Variants in LRFN2 observed in about 807,000 individuals in gnomAD.
LRFN2 encodes the protein leucine rich repeat and fibronectin type III domain containing 2.
A neutral mutation model predicts 37.3 loss-of-function variants in LRFN2; 18 were observed. The observed-to-expected ratio is 0.48, with a 90% CI of 0.33 to 0.72. LRFN2 has a LOEUF of 0.72. Among genes scored for constraint, LRFN2 ranks in the 30% least tolerant of loss-of-function variants. The probability of loss-of-function intolerance (pLI) is 0.02; values close to 1 mark genes in which losing one functional copy is unlikely to be tolerated. For synonymous variants in LRFN2, 556 were observed against 466.6 expected (o/e 1.19, Z -2.47); for missense variants, 1,006 against 1,060.7 (o/e 0.95, Z 0.72).
At chr6:40,494,213 C>T (rs1225894146) in intron 1 of LRFN2, among the ~76,000 whole-genome samples, 1 of 152,200 alleles carries the variant, frequency 6.6e-6, no homozygotes, top group Non-Finnish European at 1.5e-5. Flanking sequence ...AACAGGGTCA[C>T]CTGGGATAAG....
chr6:40,532,498 T>C (rs1010428947), intron 1 of LRFN2, among the ~76,000 whole-genome samples: 2 of 152,204 alleles, frequency 1.3e-5, no homozygotes, highest in Non-Finnish European at 2.9e-5. Flanking sequence ...AGAAGTTAAG[T>C]CACCAACCCA....
intron 1 of LRFN2, among the ~76,000 whole-genome samples, chr6:40,561,560 A>T (rs1375359940): frequency 6.6e-6 from 1 of 152,152 alleles, no homozygotes; most frequent in African/African-American, 2.4e-5. Flanking sequence ...GCTGCTGTGG[A>T]TCTTGTCAGT....
chr6:40,492,208 T>A (rs1765109777), intron 1 of LRFN2, among the ~76,000 whole-genome samples: 1 of 152,210 alleles, frequency 6.6e-6, no homozygotes, highest in Non-Finnish European at 1.5e-5. Flanking sequence ...GTGATGGGAC[T>A]AGTTGGGCAG....
In LRFN2 at chr6:40,509,852, G is replaced by A. The variant is rs371653147; in HGVS notation, c.-18-76721C>T. Among the ~76,000 whole-genome samples the A allele has an allele frequency of 1.5e-3, 230 of 151,526 alleles. 2 individuals are homozygous for A. The highest frequency in any genetic ancestry group is 5.2e-3 in the African/African-American group (215 of 41,248). ...GCGCAGGTAGGAGAGCTGAGTGCAC[G>A]CATGTGAGTATGCCAGGGAACACTG... is the stretch of plus-strand genomic sequence containing the variant. On this transcript the variant is annotated intron_variant, in intron 1 of 2. Coordinates refer to ENST00000338305, the MANE Select transcript of LRFN2 (RefSeq NM_020737.3).
chr6:40,400,326 T>C lies in LRFN2; in HGVS notation c.1401-7414A>G, dbSNP rs189817251. ...TGCAAAATGTTAGGGCCTAAACATA[T>C]GTGAGGGATTCTTATCTAATATTCA... On this transcript the variant is annotated intron_variant, in intron 2 of 2. Transcript: ENST00000338305. Among the ~76,000 whole-genome samples the C allele has an allele frequency of 1.3e-3, 197 of 151,916 alleles. 8 individuals carry two copies. The highest frequency in any genetic ancestry group is 1.5e-3 in the East Asian group (8 of 5,190).
chr6:40,510,084 C>T (rs577745618), intron 1 of LRFN2, among the ~76,000 whole-genome samples: 12 of 147,522 alleles, frequency 8.1e-5, no homozygotes, highest in African/African-American at 2.0e-4. Context: ...GGGTATGCCA[C>T]GGAACACTGG....
chr6:40,492,693 C>T (rs956892639), intron 1 of LRFN2, among the ~76,000 whole-genome samples: 19 of 152,104 alleles, frequency 1.2e-4, no homozygotes, highest in African/African-American at 4.6e-4. Context: ...GCATGGCAGC[C>T]AGGGGCACCT....
At chr6:40,521,962 G>A (rs1766083513) in intron 1 of LRFN2, among the ~76,000 whole-genome samples, 1 of 152,198 alleles carries the variant, frequency 6.6e-6, no homozygotes, top group Non-Finnish European at 1.5e-5. Flanking sequence ...TGGTGGAATG[G>A]GCTGGCTGAA....
chr6:40,553,522 A>G (rs999571027), intron 1 of LRFN2, among the ~76,000 whole-genome samples: 2 of 152,164 alleles, frequency 1.3e-5, no homozygotes, highest in African/African-American at 4.8e-5. Flanking sequence ...TGGACACTCC[A>G]TTTGTAAATA....
intron 2 of LRFN2, among the ~76,000 whole-genome samples, chr6:40,410,475 A>ATT (rs1762944213): frequency 6.6e-6 from 1 of 152,134 alleles, no homozygotes; most frequent in South Asian, 2.1e-4. Context: ...TTTATTGACT[A>ATT]TATCTTTACT....
intron 1 of LRFN2, among the ~76,000 whole-genome samples, chr6:40,506,610 A>G (rs1392090570): frequency 2.0e-5 from 3 of 152,158 alleles, no homozygotes; most frequent in Non-Finnish European, 4.4e-5. Flanking sequence ...CGGGTTCCCC[A>G]GGCATGTTCC....
intron 1 of LRFN2, among the ~76,000 whole-genome samples, chr6:40,531,871 C>T (rs1299296856): frequency 1.1e-4 from 16 of 152,156 alleles, no homozygotes; most frequent in Admixed American, 1.0e-3. Flanking sequence ...CCTGACACAA[C>T]CCATCAGTGC....
At chr6:40,403,351 C>A (rs560106963) in intron 2 of LRFN2, among the ~76,000 whole-genome samples, 45 of 152,116 alleles carry the variant, frequency 3.0e-4, no homozygotes, top group Non-Finnish European at 5.0e-4. Context: ...GTGGGACGAT[C>A]ATGGAGCTGG....
intron 1 of LRFN2, among the ~76,000 whole-genome samples, chr6:40,544,829 G>A (rs1027140671): frequency 6.6e-6 from 1 of 152,226 alleles, no homozygotes; most frequent in African/African-American, 2.4e-5. Flanking sequence ...CGCCATGTGT[G>A]ACCCTAAGCA....
At chr6:40,557,399 G>A (rs533345813) in intron 1 of LRFN2, among the ~76,000 whole-genome samples, 49 of 152,288 alleles carry the variant, frequency 3.2e-4, no homozygotes, top group South Asian at 2.1e-3. Flanking sequence ...TAATGGTGGC[G>A]GGGTCAAGGC....
At chr6:40,517,070 C>G (rs1208277554) in intron 1 of LRFN2, among the ~76,000 whole-genome samples, 7 of 152,156 alleles carry the variant, frequency 4.6e-5, no homozygotes, top group Admixed American at 4.6e-4. Context: ...CTGGAAAGAA[C>G]AGCCCTCCTG....
intron 1 of LRFN2, among the ~76,000 whole-genome samples, chr6:40,578,680 C>A (rs1248218044): frequency 1.3e-5 from 2 of 152,210 alleles, no homozygotes; most frequent in Non-Finnish European, 2.9e-5. Flanking sequence ...ACTACTACCA[C>A]TAATAGCTCA....
At chr6:40,545,880 AG>A (rs1246342057) in intron 1 of LRFN2, among the ~76,000 whole-genome samples, 2 of 152,100 alleles carry the variant, frequency 1.3e-5, no homozygotes, top group Non-Finnish European at 2.9e-5. Flanking sequence ...AAGCTTAATG[AG>A]GGCAGGGACT....
intron 2 of LRFN2, among the ~76,000 whole-genome samples, chr6:40,399,059 G>A (rs1339816816): frequency 6.6e-6 from 1 of 151,906 alleles, no homozygotes; most frequent in Non-Finnish European, 1.5e-5. Context: ...TGGAGGCACT[G>A]GAGAGAGAGA....
Sources: gnomAD v4.1 joint callset for allele counts (sites outside exome capture counted in the v4.1 genomes callset) on GRCh38, gnomAD v4.1.1 for gene constraint, MANE v1.5 for transcripts, NCBI Gene and HGNC (gene_info 2026-07-23, HGNC 2026-07-21) for gene names.